Variants in CALN1 observed in about 807,000 individuals in gnomAD.
CALN1 encodes calneuron 1.
In CALN1, 17 loss-of-function variants were observed where a neutral mutation model predicts 30.6. That is an observed-to-expected ratio of 0.56 (90% CI 0.38 to 0.83). CALN1 has a LOEUF of 0.83. Among genes scored for constraint, CALN1 ranks in the 40% least tolerant of loss-of-function variants. CALN1 has a pLI of 0.00. For synonymous variants in CALN1, 156 were observed against 131.4 expected (o/e 1.19, Z -1.28); for missense variants, 291 against 354.9 (o/e 0.82, Z 1.45).
intron 5 of CALN1, among the ~76,000 whole-genome samples, chr7:71,945,532 G>A (rs1796361016): frequency 6.6e-6 from 1 of 152,190 alleles, no homozygotes; most frequent in African/African-American, 2.4e-5. Context: ...TGAGTGGCAG[G>A]TGAGCAAACA....
chr7:72,286,639 A>T (rs1038219947), intron 2 of CALN1, among the ~76,000 whole-genome samples: 1 of 152,232 alleles, frequency 6.6e-6, no homozygotes, highest in Non-Finnish European at 1.5e-5. Flanking sequence ...ACATTTGGCT[A>T]AGCACTTATG....
chr7:72,109,937 AG>A (rs2129541498), intron 3 of CALN1, among the ~76,000 whole-genome samples: 1 of 152,358 alleles, frequency 6.6e-6, no homozygotes, highest in African/African-American at 2.4e-5. Flanking sequence ...CACTGGGGCC[AG>A]GACATACGAT....
intron 3 of CALN1, among the ~76,000 whole-genome samples, chr7:72,137,146 G>A (rs1363252308): frequency 6.6e-6 from 1 of 152,172 alleles, no homozygotes; most frequent in African/African-American, 2.4e-5. Flanking sequence ...TCTATGTGAA[G>A]GAAAGTTTAT....
At chr7:72,151,107 TA>T (rs1787208960) in intron 3 of CALN1, among the ~76,000 whole-genome samples, 1 of 152,134 alleles carries the variant, frequency 6.6e-6, no homozygotes, top group South Asian at 2.1e-4. Context: ...AGGGCTGCCA[TA>T]ACAAAGGACC....
chr7:71,804,266 TG>T (rs1349075791), intron 6 of CALN1, among the ~76,000 whole-genome samples: 1 of 152,132 alleles, frequency 6.6e-6, no homozygotes, highest in Non-Finnish European at 1.5e-5. Context: ...CTCAGTCCTT[TG>T]GGAGGCTGAG....
intron 5 of CALN1, among the ~76,000 whole-genome samples, chr7:71,827,187 C>T (rs1241841124): frequency 6.6e-6 from 1 of 152,168 alleles, no homozygotes; most frequent in East Asian, 1.9e-4. Flanking sequence ...CCTGTGAATA[C>T]AGACAGCTTG....
intron 5 of CALN1, among the ~76,000 whole-genome samples, chr7:71,919,450 G>C (rs1010025918): frequency 2.8e-4 from 42 of 152,214 alleles, no homozygotes; most frequent in African/African-American, 8.7e-4. Context: ...CATTTTCATA[G>C]TCATTGTGTT....
upstream of CALN1, among the ~76,000 whole-genome samples, chr7:72,412,647 C>A (rs1176439888): frequency 6.6e-6 from 1 of 152,238 alleles, no homozygotes; most frequent in East Asian, 1.9e-4. Flanking sequence ...GCTGGAGGAG[C>A]AGCCCCAGCC....
intron 1 of CALN1, among the ~76,000 whole-genome samples, chr7:72,441,502 G>T (rs1006577452): frequency 6.6e-6 from 1 of 151,028 alleles, no homozygotes; most frequent in Non-Finnish European, 1.5e-5. Flanking sequence ...GGAGGCTGAG[G>T]CAGGAGAATC....
intron 5 of CALN1, among the ~76,000 whole-genome samples, chr7:71,978,436 C>T (rs1002076637): frequency 6.6e-6 from 1 of 151,596 alleles, no homozygotes; most frequent in African/African-American, 2.4e-5. Context: ...CCACGCCCAG[C>T]TAATTTTTTT....
intron 4 of CALN1, among the ~76,000 whole-genome samples, chr7:72,080,469 G>A (rs919281370): frequency 6.6e-6 from 1 of 152,180 alleles, no homozygotes; most frequent in Non-Finnish European, 1.5e-5. Flanking sequence ...TTCATTTGTG[G>A]ATCTATGCCA....
chr7:72,138,919 A>C (rs962982588), intron 3 of CALN1, among the ~76,000 whole-genome samples: 2 of 152,120 alleles, frequency 1.3e-5, no homozygotes, highest in African/African-American at 4.8e-5. Context: ...TCAATGAAAA[A>C]CAAAATATTT....
intron 2 of CALN1, among the ~76,000 whole-genome samples, chr7:72,326,932 A>G (rs1340700792): frequency 6.6e-6 from 1 of 152,148 alleles, no homozygotes; most frequent in Non-Finnish European, 1.5e-5. Flanking sequence ...CCATGGTTCT[A>G]TTACTTTGCA....
intron 6 of CALN1, among the ~76,000 whole-genome samples, chr7:71,797,336 C>T (rs982320611): frequency 6.6e-6 from 1 of 152,160 alleles, no homozygotes; most frequent in Non-Finnish European, 1.5e-5. Context: ...GCCACCAGGT[C>T]TGGGAGCTAT....
At chr7:71,993,022 AAG>A (rs1490988455) in intron 5 of CALN1, among the ~76,000 whole-genome samples, 4 of 151,882 alleles carry the variant, frequency 2.6e-5, no homozygotes, top group Non-Finnish European at 5.9e-5. Context: ...TTGGAGAAGA[AAG>A]AGAACCATTG....
chr7:72,407,026 T>C (rs1182606078), intron 1 of CALN1, among the ~76,000 whole-genome samples: 3 of 152,168 alleles, frequency 2.0e-5, no homozygotes, highest in Non-Finnish European at 4.4e-5. Flanking sequence ...TAGGAGGCAC[T>C]CTTATCCACC....
intron 4 of CALN1, among the ~76,000 whole-genome samples, chr7:72,081,071 T>C (rs1464483607): frequency 6.6e-6 from 1 of 152,104 alleles, no homozygotes; most frequent in Non-Finnish European, 1.5e-5. Flanking sequence ...TCGCAATTGA[T>C]CATGTCAGGC....
At chr7:71,847,847 G>GA (rs1562836015) in intron 5 of CALN1, among the ~76,000 whole-genome samples, 5,266 of 135,112 alleles carry the variant, frequency 0.039, 392 homozygotes, top group African/African-American at 0.14. Flanking sequence ...GAAGGAGAAG[G>GA]AGAAGAAGAA....
chr7:72,336,739 G>T, intron 2 of CALN1: 2 of 985,352 alleles, frequency 2.0e-6, no homozygotes, highest in Non-Finnish European at 2.4e-6. Flanking sequence ...CCCGGCAGCC[G>T]AGGCGCCTCC....
Sources: gnomAD v4.1 joint callset for allele counts (sites outside exome capture counted in the v4.1 genomes callset) on GRCh38, gnomAD v4.1.1 for gene constraint, MANE v1.5 for transcripts, NCBI Gene and HGNC (gene_info 2026-07-23, HGNC 2026-07-21) for gene names.